The following CCT2 variants were observed in gnomAD, a reference collection of about 807,000 sequenced individuals.
CCT2 encodes the protein chaperonin containing TCP1 subunit 2, also known as T-complex protein 1 subunit beta.
A neutral mutation model predicts 61.8 loss-of-function variants in CCT2; 18 were observed. That is an observed-to-expected ratio of 0.29 (90% CI 0.20 to 0.43). The LOEUF (loss-of-function observed/expected upper bound fraction) is 0.43. Among genes scored for constraint, CCT2 ranks in the 20% least tolerant of loss-of-function variants. CCT2 has a pLI of 1.00. For synonymous variants in CCT2, 248 were observed against 215.9 expected (o/e 1.15, Z -1.30); for missense variants, 556 against 656.9 (o/e 0.85, Z 1.68).
At position 69,585,517 on chromosome 12, in the gene CCT2, G is replaced by A. The variant is rs765141979; in HGVS notation, c.-5G>A. 6.4e-7 allele frequency: 1 copy of A among 1,568,838 alleles called. No individual in the cohort carries two copies. ...ATTCACTTGTGTGCGGAACTCCTCG[G>A]AACCATGGTGAGCCTGACTCCCCTG... On this transcript the variant is annotated 5_prime_UTR_variant, in exon 1 of 16. Coordinates refer to ENST00000299300, the MANE Select transcript of CCT2 (RefSeq NM_006431.3).
intron 15 of CCT2, among the ~76,000 whole-genome samples, chr12:69,600,594 T>TAC (rs1882120617): frequency 6.6e-6 from 1 of 152,162 alleles, no homozygotes; most frequent in Non-Finnish European, 1.5e-5. Context: ...CAGAAGACTT[T>TAC]TTTTTTCAGA....
intron 15 of CCT2, among the ~76,000 whole-genome samples, chr12:69,600,698 A>T (rs889547569): frequency 1.3e-5 from 2 of 152,100 alleles, no homozygotes; most frequent in African/African-American, 4.8e-5. Flanking sequence ...TTATCTCTCT[A>T]TATGATCCCT....
At chr12:69,587,842 T>C (rs2135849888) in intron 4 of CCT2, 88 bp from the exon 5 acceptor site, 1 of 1,079,128 alleles carries the variant, frequency 9.3e-7, no homozygotes, top group Non-Finnish European at 1.4e-6. Flanking sequence ...TGAGGAACCC[T>C]GGTAAGTTTA....
rs150742202 is a variant in CCT2 at position 69,588,627 on chromosome 12, C to G, written c.446+365C>G. Among the ~76,000 whole-genome samples, 623 of 152,272 alleles carry G rather than the reference C, an allele frequency of 4.1e-3. 3 individuals are homozygous for G. Among genetic ancestry groups the G allele is most frequent in the African/African-American group, 0.014 (595 of 41,548 alleles). On this transcript the variant is annotated intron_variant, in intron 6 of 15. Coordinates refer to ENST00000299300, the MANE Select transcript of CCT2 (RefSeq NM_006431.3). ...ATTTGGCTAGAATGACTGTATTAAC[C>G]TATCTGTAGGGGGAGATTTGTGTAT...
At chr12:69,600,540 C>T (rs1016778585) in intron 15 of CCT2, among the ~76,000 whole-genome samples, 3 of 152,076 alleles carry the variant, frequency 2.0e-5, no homozygotes, top group Non-Finnish European at 4.4e-5. Context: ...GCCTTCCAGA[C>T]CTACCAGACC....
Position 69,601,339 on chromosome 12 carries a change from C to T in CCT2, c.*14C>T. On this transcript the variant is annotated 3_prime_UTR_variant, in exon 16 of 16. Coordinates refer to ENST00000299300, the MANE Select transcript of CCT2 (RefSeq NM_006431.3). ...CACCCCTGTTAAGCATTCCCACGTG[C>T]TGTCGATCTTTGGACCAGTTTCTAG... is the stretch of plus-strand genomic sequence containing the variant. 1.2e-6 allele frequency: 2 copies of T among 1,613,848 alleles called. No homozygotes were observed.
chr12:69,601,152 G>A lies in CCT2; in HGVS notation c.1578-143G>A, dbSNP rs147397815. 2.3e-4 allele frequency: 153 copies of A among 679,950 alleles called. 1 individual carries two copies. The East Asian group carries it at 4.4e-3, about 20-fold the overall frequency. 42.1% of individuals were successfully genotyped at this position (679,950 alleles called of 1,614,324 possible). On this transcript the variant is annotated intron_variant, in intron 15 of 15. Coordinates refer to ENST00000299300, the MANE Select transcript of CCT2 (RefSeq NM_006431.3). ...TTGGGGATTCAGTTTCAATGTGAGT[G>A]TTATAGGGGACACACATGCAAACCA... is the stretch of plus-strand genomic sequence containing the variant.
chr12:69,586,983 CA>C, intron 3 of CCT2, 165 bp downstream of exon 3: 1 of 502,260 alleles, frequency 2.0e-6, no homozygotes, highest in Non-Finnish European at 3.5e-6. Flanking sequence ...TCACCATCCC[CA>C]ATCCCATGCC....
At chr12:69,597,928 AC>A in intron 12 of CCT2, 39 bp from the exon 13 acceptor site, 2 of 1,534,278 alleles carry the variant, frequency 1.3e-6, no homozygotes, top group Admixed American at 3.4e-5. Flanking sequence ...CTTGGAGACA[AC>A]TAAGCATTGC....
At chr12:69,593,709 T>C in intron 10 of CCT2, 96 bp downstream of exon 10, 2 of 685,184 alleles carry the variant, frequency 2.9e-6, no homozygotes, top group Non-Finnish European at 5.0e-6. Flanking sequence ...GAGTTTAGAA[T>C]TTCAGCAGTT....
chr12:69,593,629 ATTG>A lies in CCT2; in HGVS notation c.982+19_982+21del. 6.8e-7 allele frequency: 1 copy of A among 1,476,450 alleles called. No homozygotes were observed. Among genetic ancestry groups the A allele is most frequent in the Non-Finnish European group, 9.5e-7 (1 of 1,057,808 alleles). The allele number at this position is 1,476,450 out of a possible 1,614,324, so 91.5% of individuals were successfully genotyped here. A position where few individuals can be genotyped will look rare whatever the true frequency, so the allele number is the denominator to read the frequency against. The stretch of plus-strand genomic sequence containing the variant: ...CTTGTCACAGGTATGGAAAAAAGGT[ATTG>A]TTTTCTAACAAACACAATAGTCACT... On this transcript the variant is annotated intron_variant, in intron 10 of 15. Transcript: ENST00000299300.
chr12:69,585,556 C>A, intron 1 of CCT2, 32 bp downstream of exon 1: 2 of 1,566,546 alleles, frequency 1.3e-6, no homozygotes, highest in South Asian at 1.2e-5. Flanking sequence ...CTTGCCCTAC[C>A]CCTGCTCCGC....
At chr12:69,597,092 C>T (rs1882014067) in intron 10 of CCT2, 64 bp from the exon 11 acceptor site, 1 of 1,508,076 alleles carries the variant, frequency 6.6e-7, no homozygotes, top group Admixed American at 1.7e-5. Flanking sequence ...TCCATTACTG[C>T]TTATTAGAAA....
chr12:69,595,366 ATGT>A (rs1881955981), intron 10 of CCT2, among the ~76,000 whole-genome samples: 2 of 152,280 alleles, frequency 1.3e-5, no homozygotes, highest in African/African-American at 4.8e-5. Context: ...GCTCATGTTT[ATGT>A]AATTCATTCT....
intron 15 of CCT2, among the ~76,000 whole-genome samples, 179 bp downstream of exon 15, chr12:69,600,183 G>T (rs898208875): frequency 6.6e-6 from 1 of 152,232 alleles, no homozygotes; most frequent in Non-Finnish European, 1.5e-5. Context: ...AGGGGAAAGA[G>T]GGATGGGCAG....
At chr12:69,593,368 T>C in intron 9 of CCT2, 142 bp from the exon 10 acceptor site, 1 of 637,580 alleles carries the variant, frequency 1.6e-6, no homozygotes. Flanking sequence ...TGATAAACTC[T>C]AATTATATAG....
intron 1 of CCT2, 122 bp downstream of exon 1, chr12:69,585,646 T>G: frequency 6.5e-7 from 1 of 1,541,182 alleles, no homozygotes; most frequent in Non-Finnish European, 8.8e-7. Context: ...CCTCCGCACA[T>G]GGTGCGAGCC....
rs561022013 is a variant in CCT2, at chr12:69,586,152, CATT to C, written c.4-117_4-115del. On this transcript the variant is annotated intron_variant, in intron 1 of 15. Transcript: ENST00000299300. ...GATGGAAGCTTCATTTGATTGAAAA[CATT>C]GTTGTAAATGAGTTTTCTCTTAGAT... 2,725 of 1,145,206 alleles carry C rather than the reference CATT, an allele frequency of 2.4e-3. 10 individuals carry two copies. Among genetic ancestry groups the C allele is most frequent in the Non-Finnish European group, 3.3e-3 (2,620 of 791,708 alleles). The allele number at this position is 1,145,206 out of a possible 1,614,324, so 70.9% of individuals were successfully genotyped here. A position where few individuals can be genotyped will look rare whatever the true frequency, so the allele number is the denominator to read the frequency against.
chr12:69,594,268 T>C (rs993962207), intron 10 of CCT2, among the ~76,000 whole-genome samples: 3 of 152,246 alleles, frequency 2.0e-5, no homozygotes, highest in African/African-American at 7.2e-5. Context: ...TTTGTTTTTA[T>C]TGCTTAGTAA....
Sources: gnomAD v4.1 joint callset for allele counts (sites outside exome capture counted in the v4.1 genomes callset) on GRCh38, gnomAD v4.1.1 for gene constraint, MANE v1.5 for transcripts, NCBI Gene and HGNC (gene_info 2026-07-23, HGNC 2026-07-21) for gene names.